Variants in LGSN observed in about 807,000 individuals in gnomAD.
LGSN encodes lengsin, lens protein with glutamine synthetase domain.
Under a neutral mutation model 19.5 loss-of-function variants are expected in LGSN, and 21 were observed. The observed-to-expected ratio is 1.07, with a 90% confidence interval of 0.76 to 1.55. The LOEUF (loss-of-function observed/expected upper bound fraction) is 1.55. LGSN is among the 40% of genes most tolerant of loss of function. LGSN has a pLI of 0.00. For missense variants in LGSN, 673 were observed against 608.5 expected, an observed-to-expected ratio of 1.11 and a Z score of -1.12; for synonymous variants, 257 against 215.6, an observed-to-expected ratio of 1.19 and a Z score of -1.68.
the LGSN span, among the ~76,000 whole-genome samples, chr6:63,531,724 C>T: frequency 1.3e-5 from 2 of 151,988 alleles, no homozygotes; most frequent in African/African-American, 4.8e-5. Flanking sequence ...CTACTGGACT[C>T]AAGTGACCCA....
the LGSN span, among the ~76,000 whole-genome samples, chr6:63,496,283 A>G: frequency 9.2e-5 from 14 of 152,318 alleles, no homozygotes; most frequent in African/African-American, 3.4e-4. Context: ...TTTTCCATGT[A>G]TATTAGTCCC....
At chr6:63,340,796 T>A in the LGSN span, among the ~76,000 whole-genome samples, 2 of 152,048 alleles carry the variant, frequency 1.3e-5, no homozygotes, top group Non-Finnish European at 2.9e-5. Flanking sequence ...TACAGGACTA[T>A]TATTTTCCTT....
the LGSN span, among the ~76,000 whole-genome samples, chr6:63,338,288 A>G: frequency 6.6e-6 from 1 of 152,282 alleles, no homozygotes; most frequent in South Asian, 2.1e-4. Flanking sequence ...TAACATCACC[A>G]CGATTGAGAT....
the LGSN span, among the ~76,000 whole-genome samples, chr6:63,383,622 A>T: frequency 1.4e-4 from 22 of 152,240 alleles, no homozygotes; most frequent in East Asian, 4.2e-3. Context: ...TCTTTACTAA[A>T]CTAATTTTCT....
At chr6:63,491,432 C>T in the LGSN span, among the ~76,000 whole-genome samples, 1 of 103,360 alleles carries the variant, frequency 9.7e-6, no homozygotes, top group Non-Finnish European at 1.8e-5. Flanking sequence ...ACACCAAAGC[C>T]AAATTCTAAA....
the LGSN span, among the ~76,000 whole-genome samples, chr6:63,551,711 G>T: frequency 1.0e-5 from 1 of 98,292 alleles, no homozygotes; most frequent in African/African-American, 4.1e-5. Flanking sequence ...AACAGGCCCC[G>T]GTGTGTGATG....
the LGSN span, among the ~76,000 whole-genome samples, chr6:63,448,252 A>AAACAAAAAAGGCTCACCATG: frequency 2.8e-4 from 42 of 152,332 alleles, no homozygotes; most frequent in Non-Finnish European, 5.1e-4. Context: ...GGAAAATATA[A>AAACAAAAAAGGCTCACCATG]AACAAAAAAG....
At chr6:63,562,387 C>T in the LGSN span, among the ~76,000 whole-genome samples, 17 of 152,098 alleles carry the variant, frequency 1.1e-4, no homozygotes, top group African/African-American at 4.1e-4. Flanking sequence ...TTAGTAGAGA[C>T]AGCGTTTCTC....
chr6:63,306,240 A>T (rs1768379283), intron 1 of LGSN, among the ~76,000 whole-genome samples: 1 of 152,160 alleles, frequency 6.6e-6, no homozygotes, highest in South Asian at 2.1e-4. Flanking sequence ...GGGTTAGGTA[A>T]TTTGTTCAAG....
At chr6:63,331,401 A>G in the LGSN span, among the ~76,000 whole-genome samples, 1 of 152,180 alleles carries the variant, frequency 6.6e-6, no homozygotes, top group East Asian at 1.9e-4. Context: ...ATTGGGGCCA[A>G]GCCGTAGTGC....
At chr6:63,499,989 T>C in the LGSN span, among the ~76,000 whole-genome samples, 1 of 152,188 alleles carries the variant, frequency 6.6e-6, no homozygotes, top group African/African-American at 2.4e-5. Context: ...ATTCCATACA[T>C]TTCTGAGGGT....
intron 1 of LGSN, among the ~76,000 whole-genome samples, chr6:63,295,381 C>A (rs996444911): frequency 2.6e-5 from 4 of 151,862 alleles, no homozygotes; most frequent in African/African-American, 9.7e-5. Context: ...TTTTGCAAAA[C>A]CTATTTTAAC....
At chr6:63,538,862 C>T in the LGSN span, among the ~76,000 whole-genome samples, 10 of 152,018 alleles carry the variant, frequency 6.6e-5, no homozygotes, top group South Asian at 8.3e-4. Context: ...GTGTGGGAAC[C>T]GCATTTTGAG....
At chr6:63,360,365 TA>T in the LGSN span, among the ~76,000 whole-genome samples, 2 of 152,206 alleles carry the variant, frequency 1.3e-5, no homozygotes, top group African/African-American at 4.8e-5. Context: ...TGTTTCTTTT[TA>T]TTCTTTTTTC....
chr6:63,325,476 A>G, the LGSN span, among the ~76,000 whole-genome samples: 2 of 152,222 alleles, frequency 1.3e-5, no homozygotes, highest in African/African-American at 4.8e-5. Flanking sequence ...ACACTAACAA[A>G]CTGGAAAATC....
At chr6:63,516,001 G>A in the LGSN span, among the ~76,000 whole-genome samples, 1 of 152,112 alleles carries the variant, frequency 6.6e-6, no homozygotes, top group African/African-American at 2.4e-5. Context: ...GTAGAAAAAT[G>A]ATCATAATTT....
At chr6:63,437,028 C>A in the LGSN span, among the ~76,000 whole-genome samples, 1 of 135,984 alleles carries the variant, frequency 7.4e-6, no homozygotes, top group Non-Finnish European at 1.5e-5. Flanking sequence ...CAGAGCAAGG[C>A]TCTGTCAAAA....
At chr6:63,385,023 G>A in the LGSN span, among the ~76,000 whole-genome samples, 2 of 152,156 alleles carry the variant, frequency 1.3e-5, no homozygotes, top group Non-Finnish European at 2.9e-5. Context: ...AAACAAACCT[G>A]TGAATCTTGG....
the LGSN span, among the ~76,000 whole-genome samples, chr6:63,416,769 T>C: frequency 6.6e-6 from 1 of 152,056 alleles, no homozygotes; most frequent in Admixed American, 6.5e-5. Flanking sequence ...GGTTTCACCA[T>C]GTTGGCCAAG....
Sources: gnomAD v4.1 joint callset for allele counts (sites outside exome capture counted in the v4.1 genomes callset) on GRCh38, gnomAD v4.1.1 for gene constraint, MANE v1.5 for transcripts, NCBI Gene and HGNC (gene_info 2026-07-23, HGNC 2026-07-21) for gene names.